The following NF2 variants were observed in gnomAD, a reference collection of about 807,000 sequenced individuals.
NF2 encodes NF2, moesin-ezrin-radixin like (MERLIN) tumor suppressor.
A neutral mutation model predicts 83.7 loss-of-function variants in NF2; 8 were observed. The observed-to-expected ratio is 0.10, with a 90% CI of 0.06 to 0.17. The LOEUF (loss-of-function observed/expected upper bound fraction) is 0.17. NF2 is among the 10% of genes least tolerant of loss of function. The pLI, the probability that NF2 is intolerant of heterozygous loss-of-function variation, is 1.00. For synonymous variants in NF2, 266 were observed against 269.6 expected (o/e 0.99, Z 0.13); for missense variants, 533 against 744.4 (o/e 0.72, Z 3.31).
intron 11 of NF2, 21 bp downstream of exon 11, chr22:29,671,969 G>T (rs1361858897): frequency 1.2e-6 from 2 of 1,614,028 alleles, no homozygotes; most frequent in Admixed American, 1.7e-5. Flanking sequence ...AGGGGCTGGG[G>T]TTCCAGGAGG....
chr22:29,668,484 G>A (rs2066692422), intron 10 of NF2, 38 bp downstream of exon 10: 1 of 1,528,748 alleles, frequency 6.5e-7, no homozygotes, highest in Non-Finnish European at 9.1e-7. Context: ...ATGTCACTGT[G>A]TGGTCAGTCC....
chr22:29,673,534 C>T (rs1177417719), intron 12 of NF2, 48 bp downstream of exon 12: 14 of 1,564,160 alleles, frequency 9.0e-6, no homozygotes, highest in South Asian at 4.7e-5. Context: ...GGCGAAGGGC[C>T]GCAGACCAGC....
At chr22:29,614,279 T>TA in intron 1 of NF2, among the ~76,000 whole-genome samples, 1 of 149,942 alleles carries the variant, frequency 6.7e-6, no homozygotes, top group East Asian at 2.0e-4. Context: ...CCATCTCTAC[T>TA]AAAAATACAA....
intron 7 of NF2, 132 bp downstream of exon 7, chr22:29,658,396 G>A (rs2066378575): frequency 1.2e-6 from 1 of 850,694 alleles, no homozygotes; most frequent in Non-Finnish European, 2.0e-6. Flanking sequence ...AAGGAAAGAG[G>A]AAGGAAAGAG....
In NF2 at chr22:29,649,774, T is replaced by C. The variant is rs142852379; in HGVS notation, c.448-4883T>C. On this transcript the variant is annotated intron_variant, in intron 4 of 15. Transcript: ENST00000338641. ...AAAATAAAAATAAAAAAGGAGCCAC[T>C]GGTACAAAAAAAAAAAAGAAAAAAT... 8.3e-3 allele frequency among the ~76,000 whole-genome samples: 1,212 copies of C among 146,752 alleles called. 11 individuals carry two copies. Among genetic ancestry groups the C allele is most frequent in the African/African-American group, 0.03 (1,170 of 39,068 alleles).
At position 29,654,559 on chromosome 22, in the gene NF2, C is replaced by A. The variant is rs1035762569; in HGVS notation, c.448-98C>A. On this transcript the variant is annotated intron_variant, in intron 4 of 15. Transcript: ENST00000338641. ...GACTTGTCATCGGAATTGAATTGCT[C>A]CCTGGAGCTGGGAGGGAATGAGATT... 17 of 999,468 alleles carry A rather than the reference C, an allele frequency of 1.7e-5. No homozygotes were observed. The African/African-American group carries it at 2.5e-4, about 15-fold the overall frequency. 61.9% of individuals were successfully genotyped at this position (999,468 alleles called of 1,614,324 possible).
intron 9 of NF2, 107 bp from the exon 10 acceptor site, chr22:29,668,226 G>T (rs1372363189): frequency 5.1e-6 from 4 of 782,762 alleles, no homozygotes; most frequent in Middle Eastern, 3.0e-4. Context: ...TCATCTTCAC[G>T]TTTACTGCTA....
At chr22:29,641,922 C>T (rs1200859842) in intron 3 of NF2, among the ~76,000 whole-genome samples, 1 of 152,176 alleles carries the variant, frequency 6.6e-6, no homozygotes, top group African/African-American at 2.4e-5. Flanking sequence ...TGTCACACAG[C>T]CTCTGTTGTA....
At chr22:29,653,381 T>G (rs1286316224) in intron 4 of NF2, among the ~76,000 whole-genome samples, 1 of 149,428 alleles carries the variant, frequency 6.7e-6, no homozygotes, top group East Asian at 2.0e-4. Context: ...GAGGTGGAGG[T>G]TGCGGTGAGC....
chr22:29,681,746 T>C (rs1425987512), intron 15 of NF2, 145 bp downstream of exon 15: 24 of 952,524 alleles, frequency 2.5e-5, no homozygotes, highest in Admixed American at 2.4e-4. Context: ...TTTTAACTTA[T>C]GCCAGAAAGG....
At chr22:29,660,924 A>G (rs2066460213) in intron 7 of NF2, among the ~76,000 whole-genome samples, 1 of 152,260 alleles carries the variant, frequency 6.6e-6, no homozygotes, top group Admixed American at 6.5e-5. Flanking sequence ...ACCAGAGGGA[A>G]CAACACTTAT....
chr22:29,664,024 A>G (rs184827259), intron 8 of NF2, among the ~76,000 whole-genome samples: 1 of 152,128 alleles, frequency 6.6e-6, no homozygotes, highest in Non-Finnish European at 1.5e-5. Context: ...TTTTTTCCCC[A>G]TTTGATTCTA....
intron 1 of NF2, among the ~76,000 whole-genome samples, chr22:29,614,244 C>G (rs943441098): frequency 6.7e-6 from 1 of 150,208 alleles, no homozygotes; most frequent in Non-Finnish European, 1.5e-5. Flanking sequence ...GAGTTCAAGA[C>G]GAGGCTGGCC....
At chr22:29,604,149 T>TCAC in intron 1 of NF2, 37 bp downstream of exon 1, 1 of 1,515,072 alleles carries the variant, frequency 6.6e-7, no homozygotes, top group Non-Finnish European at 9.0e-7. Flanking sequence ...GCGGTGACAG[T>TCAC]CGAGGTGGAA....
At position 29,671,842 on chromosome 22, in the gene NF2, T is replaced by G; in HGVS notation, c.1016T>G (p.Leu339Arg). The G allele has an allele frequency of 3.1e-6, 5 of 1,614,024 alleles. No homozygotes were observed. The highest frequency in any genetic ancestry group is 3.4e-6 in the Non-Finnish European group (4 of 1,179,968). ...CCCTCGCAGATGGAGCGGCAGCGCC[T>G]CGCTCGAGAGAAGCAGATGAGGGAG... ...KARKQMERQR[L>R]AREKQMREEA... is the part of the protein sequence containing the mutation. The change falls in exon 11 of 16, where the codon CTC (leucine) becomes CGC (arginine). Residue 339 changes from leucine (L) to arginine (R), a missense_variant. Around this residue, in one of 3 missense-constraint regions of NF2, gnomAD observed 326 missense variants for 475.1 expected, o/e 0.69. Coordinates refer to ENST00000338641, the MANE Select transcript of NF2 (RefSeq NM_000268.4).
chr22:29,674,774 T>TG, intron 12 of NF2, 62 bp from the exon 13 acceptor site: 2 of 1,426,214 alleles, frequency 1.4e-6, no homozygotes, highest in South Asian at 2.5e-5. Context: ...AGGGGTGGGG[T>TG]GGTGTCTTTT....
At chr22:29,683,642 A>C in intron 15 of NF2, 1 of 1,086,700 alleles carries the variant, frequency 9.2e-7, no homozygotes, top group South Asian at 4.0e-5. Flanking sequence ...AGGGTCTGAT[A>C]TGTGAGTCCA....
At chr22:29,668,499 C>G (rs2066693223) in intron 10 of NF2, 53 bp downstream of exon 10, 1 of 1,424,630 alleles carries the variant, frequency 7.0e-7, no homozygotes, top group Non-Finnish European at 9.9e-7. Flanking sequence ...CAGTCCTGGC[C>G]TGGGAGGCGA....
In NF2 at chr22:29,695,313, C is replaced by T. The variant is rs922857433; in HGVS notation, c.*511C>T. 7.3e-6 allele frequency: 2 copies of T among 275,066 alleles called. No individual in the cohort carries two copies. Among genetic ancestry groups the T allele is most frequent in the African/African-American group, 2.1e-5 (1 of 47,296 alleles). The allele number at this position is 275,066 out of a possible 1,614,324, so 17.0% of individuals were successfully genotyped here. A position where few individuals can be genotyped will look rare whatever the true frequency, so the allele number is the denominator to read the frequency against. ...CAGGCCAGCACGCCTGCCGGCTTCT[C>T]ATCGTCAGGGAGCCCGCCCAGAGCT... On this transcript the variant is annotated 3_prime_UTR_variant, in exon 16 of 16. Transcript: ENST00000338641. This position sits in a 1 kb window ranked among gnomAD's most constrained non-coding sequence, Gnocchi z 5.4.
Sources: allele counts gnomAD v4.1 joint callset (sites outside exome capture counted in the v4.1 genomes callset), GRCh38; gene constraint gnomAD v4.1.1; regional missense constraint gnomAD v4.1.1; non-coding constraint Gnocchi (gnomAD v3.1); transcripts MANE v1.5; gene names NCBI Gene and HGNC (gene_info 2026-07-23, HGNC 2026-07-21).